Variants in PRR5 observed in about 807,000 individuals in gnomAD.
The protein encoded by PRR5 is proline rich 5, also known as proline-rich protein 5.
In PRR5, 25 loss-of-function variants were observed where a neutral mutation model predicts 30.6. That is an observed-to-expected ratio of 0.82 (90% CI 0.60 to 1.14). PRR5 has a LOEUF of 1.14. Ranked by LOEUF, PRR5 falls within the 50% of genes most tolerant of loss-of-function variation. PRR5 has a pLI of 0.00. For missense variants in PRR5, 600 were observed against 547.1 expected (o/e 1.10, Z -0.96); for synonymous variants, 286 against 247.1 (o/e 1.16, Z -1.48).
intron 1 of PRR5, among the ~76,000 whole-genome samples, chr22:44,687,630 T>A (rs1924867593): frequency 6.6e-6 from 1 of 152,242 alleles, no homozygotes; most frequent in Admixed American, 6.5e-5. Context: ...TCTGGTGTTC[T>A]GTGGAGAATT....
intron 1 of PRR5, among the ~76,000 whole-genome samples, chr22:44,706,806 G>T (rs1245567241): frequency 1.3e-5 from 2 of 152,170 alleles, no homozygotes; most frequent in African/African-American, 4.8e-5. Context: ...GGGATTACAG[G>T]CATGAGCCAC....
chr22:44,694,061 C>A (rs1925532187), intron 1 of PRR5, among the ~76,000 whole-genome samples: 1 of 152,168 alleles, frequency 6.6e-6, no homozygotes, highest in African/African-American at 2.4e-5. Context: ...GTGCCAAGGG[C>A]TGGGACTTCA....
intron 3 of PRR5, among the ~76,000 whole-genome samples, chr22:44,725,582 CA>C (rs1920930140): frequency 6.6e-6 from 1 of 152,152 alleles, no homozygotes; most frequent in South Asian, 2.1e-4. Context: ...GTGATTCTCA[CA>C]CCTTAGCCTC....
At chr22:44,687,473 C>T (rs1003763462) in intron 1 of PRR5, among the ~76,000 whole-genome samples, 13 of 152,224 alleles carry the variant, frequency 8.5e-5, no homozygotes, top group African/African-American at 3.1e-4. Context: ...AGAGCAGACC[C>T]ATGGCTAGAG....
At chr22:44,722,865 C>T (rs1404038755) in intron 2 of PRR5, among the ~76,000 whole-genome samples, 1 of 152,194 alleles carries the variant, frequency 6.6e-6, no homozygotes, top group Non-Finnish European at 1.5e-5. Context: ...CTTTTGAAAA[C>T]TCCAGCCAGT....
upstream of PRR5, chr22:44,702,134 CG>C: frequency 3.7e-6 from 1 of 268,532 alleles, no homozygotes; most frequent in South Asian, 1.4e-4. Flanking sequence ...GCGATGCCCC[CG>C]CCCCCTTCCC....
chr22:44,737,130 C>G lies in PRR5; in HGVS notation c.1050C>G (p.Asp350Glu). The G allele has an allele frequency of 6.2e-7, 1 of 1,612,594 alleles. No individual in the cohort carries two copies. The highest frequency in any genetic ancestry group is 2.2e-5 in the East Asian group (1 of 44,806). Reference sequence around the variant, plus strand: ...GCTCCAGCCCGGAGAACCTGGTGGACCAGATCCTGGAGTCCGTGGACTCGG... The same window carrying G: ...GCTCCAGCCCGGAGAACCTGGTGGAGCAGATCCTGGAGTCCGTGGACTCGG... ...LPRSSPENLVDQILESVDSDS... is the reference protein window; with the variant it reads ...LPRSSPENLVEQILESVDSDS... Residue 350 changes from aspartate (D) to glutamate (E), a missense_variant, in exon 8 of 8, where the codon GAC becomes GAG. By Grantham distance (45) the Asp-to-Glu change is conservative. Coordinates refer to ENST00000336985, the MANE Select transcript of PRR5 (RefSeq NM_181333.4).
intron 4 of PRR5, 69 bp from the exon 5 acceptor site, chr22:44,731,661 C>T (rs1921991419): frequency 6.6e-7 from 1 of 1,506,158 alleles, no homozygotes; most frequent in Non-Finnish European, 9.2e-7. Flanking sequence ...TCTGATGACC[C>T]ATCCTGGGTG....
At chr22:44,719,230 G>A (rs1036263649) in intron 2 of PRR5, among the ~76,000 whole-genome samples, 2 of 149,596 alleles carry the variant, frequency 1.3e-5, no homozygotes, top group East Asian at 2.0e-4. Context: ...GAGGCGTCCA[G>A]CACCAAGCCT....
intron 1 of PRR5, among the ~76,000 whole-genome samples, chr22:44,706,262 G>C (rs56356296): frequency 0.05 from 7,673 of 152,150 alleles, 293 homozygotes; most frequent in African/African-American, 0.1. Context: ...TTGATTGATT[G>C]ATTCATTCAT....
upstream of PRR5, among the ~76,000 whole-genome samples, chr22:44,699,031 G>A (rs1926018426): frequency 6.6e-6 from 1 of 152,214 alleles, no homozygotes; most frequent in Admixed American, 6.5e-5. Context: ...GCTGTTGGGT[G>A]TAGACAGATT....
Position 44,737,173 on chromosome 22 carries a change from A to G in PRR5, c.1093A>G (p.Ile365Val), listed in dbSNP as rs768237081. The change falls in exon 8 of 8, where the codon ATT (isoleucine) becomes GTT (valine). Residue 365 changes from isoleucine to valine, a missense_variant. Physicochemically the swap from Ile to Val is conservative, Grantham distance 29. Transcript: ENST00000336985. ...SVDSDSEGIFIDFGRGRGSGM... is the reference protein window; with the variant it reads ...SVDSDSEGIFVDFGRGRGSGM... ...GGACTCGGATTCTGAAGGGATTTTC[A>G]TTGACTTTGGCCGGGGCCGGGGCTC... The G allele has an allele frequency of 1.2e-6, 2 of 1,612,548 alleles. No homozygotes were observed. Among genetic ancestry groups the G allele is most frequent in the East Asian group, 2.2e-5 (1 of 44,882 alleles).
At chr22:44,725,442 C>T (rs937962002) in intron 3 of PRR5, 150 bp downstream of exon 3, 12 of 1,034,614 alleles carry the variant, frequency 1.2e-5, no homozygotes, top group African/African-American at 3.2e-5. Context: ...TATCTAGCCA[C>T]GTGGAATGTT....
intron 1 of PRR5, among the ~76,000 whole-genome samples, chr22:44,682,608 T>C (rs1007619952): frequency 6.6e-6 from 1 of 152,198 alleles, no homozygotes; most frequent in Non-Finnish European, 1.5e-5. Context: ...AAGGTCAGAT[T>C]TGAATCCGGC....
intron 1 of PRR5, among the ~76,000 whole-genome samples, chr22:44,670,505 G>C (rs1923360808): frequency 6.6e-6 from 1 of 152,222 alleles, no homozygotes. Flanking sequence ...CACAGGGGCA[G>C]TCAGGGAGGT....
At chr22:44,674,464 T>C (rs1923600084), upstream of PRR5, among the ~76,000 whole-genome samples, 1 of 152,144 alleles carries the variant, frequency 6.6e-6, no homozygotes, top group Non-Finnish European at 1.5e-5. Flanking sequence ...GGCTCACGCC[T>C]GTAATCCCAG....
At chr22:44,709,767 G>A (rs973191302) in intron 1 of PRR5, among the ~76,000 whole-genome samples, 4 of 152,066 alleles carry the variant, frequency 2.6e-5, no homozygotes, top group Admixed American at 6.6e-5. Context: ...CAGGAGAATC[G>A]CTTGAACCCA....
chr22:44,679,710 A>G, intron 1 of PRR5: 3 of 1,164,632 alleles, frequency 2.6e-6, no homozygotes, highest in Non-Finnish European at 3.6e-6. Context: ...CCATCTCAAA[A>G]TAATAATAAT....
chr22:44,727,386 G>A (rs1376787363), intron 4 of PRR5, among the ~76,000 whole-genome samples: 2 of 152,206 alleles, frequency 1.3e-5, no homozygotes, highest in African/African-American at 4.8e-5. Context: ...GCTTTGCTCG[G>A]GCTGTGCTGG....
Sources: gnomAD v4.1 joint callset for allele counts (sites outside exome capture counted in the v4.1 genomes callset) on GRCh38, gnomAD v4.1.1 for gene constraint, MANE v1.5 for transcripts, NCBI Gene and HGNC (gene_info 2026-07-23, HGNC 2026-07-21) for gene names.